The following DOCK4 variants were observed in gnomAD, a reference collection of about 807,000 sequenced individuals.
DOCK4 encodes dedicator of cytokinesis 4.
DOCK4 carries 97 observed loss-of-function variants against 268.1 expected under a neutral mutation model. That is an observed-to-expected ratio of 0.36 (90% CI 0.31 to 0.43). The LOEUF is 0.43. Among genes scored for constraint, DOCK4 ranks in the 20% least tolerant of loss-of-function variants. The probability of loss-of-function intolerance (pLI) is 1.00; values close to 1 mark genes in which losing one functional copy is unlikely to be tolerated. For synonymous variants in DOCK4, 954 were observed against 887.2 expected (o/e 1.08, Z -1.34); for missense variants, 2,145 against 2,455.7 (o/e 0.87, Z 2.67).
chr7:111,829,951 CATT>C (rs1802689976), intron 26 of DOCK4, among the ~76,000 whole-genome samples: 1 of 152,066 alleles, frequency 6.6e-6, no homozygotes, highest in South Asian at 2.1e-4. Flanking sequence ...TATATATGTA[CATT>C]ATCATTATGA....
intron 2 of DOCK4, among the ~76,000 whole-genome samples, chr7:112,000,758 T>A (rs966979925): frequency 1.3e-5 from 2 of 152,194 alleles, no homozygotes; most frequent in African/African-American, 4.8e-5. Flanking sequence ...AAAATTTTTA[T>A]AAACAACAGA....
At position 111,941,456 on chromosome 7, in the gene DOCK4, C is replaced by A. The variant is rs529267079; in HGVS notation, c.845-1214G>T. Among the ~76,000 whole-genome samples the A allele has an allele frequency of 2.3e-4, 35 of 152,162 alleles. 1 individual carries two copies. The highest frequency in any genetic ancestry group is 8.2e-4 in the African/African-American group (34 of 41,530). On this transcript the variant is annotated intron_variant, in intron 10 of 52. Transcript: ENST00000428084. Reference sequence around the variant, plus strand: ...TGAAAAAAAAGGTCTCAATTTATGTCTATTTTGAATAATATTACAGAATGT... The same window carrying A: ...TGAAAAAAAAGGTCTCAATTTATGTATATTTTGAATAATATTACAGAATGT...
intron 13 of DOCK4, among the ~76,000 whole-genome samples, chr7:111,907,076 T>C (rs767565206): frequency 1.3e-5 from 2 of 152,100 alleles, no homozygotes; most frequent in Non-Finnish European, 2.9e-5. Flanking sequence ...GACTCACAGG[T>C]AACTGGAGAC....
At chr7:111,913,711 A>AATTT (rs1364876437) in intron 13 of DOCK4, among the ~76,000 whole-genome samples, 1 of 143,226 alleles carries the variant, frequency 7.0e-6, no homozygotes, top group Admixed American at 6.9e-5. Context: ...GCCCGGCCAC[A>AATTT]ATTTTTTTTT....
At chr7:111,871,594 G>A (rs975230593) in intron 20 of DOCK4, among the ~76,000 whole-genome samples, 1 of 152,206 alleles carries the variant, frequency 6.6e-6, no homozygotes, top group Admixed American at 6.5e-5. Flanking sequence ...TTCAGCAGGT[G>A]TGAAGGAAAA....
At chr7:111,877,571 T>C (rs979316728) in intron 16 of DOCK4, among the ~76,000 whole-genome samples, 1 of 152,242 alleles carries the variant, frequency 6.6e-6, no homozygotes, top group Non-Finnish European at 1.5e-5. Context: ...GCAGTGACCA[T>C]AGTATTTTTT....
chr7:112,008,507 A>C (rs1259307453), intron 1 of DOCK4, among the ~76,000 whole-genome samples: 1 of 152,192 alleles, frequency 6.6e-6, no homozygotes. Flanking sequence ...TCTCAAACAC[A>C]ACTCCTAATT....
At chr7:111,734,648 G>A in intron 51 of DOCK4, among the ~76,000 whole-genome samples, 1 of 152,230 alleles carries the variant, frequency 6.6e-6, no homozygotes, top group East Asian at 1.9e-4. Flanking sequence ...TTAGTCAATG[G>A]CTATTTAGAG....
At chr7:111,905,017 A>G (rs747534716) in intron 13 of DOCK4, among the ~76,000 whole-genome samples, 2 of 152,238 alleles carry the variant, frequency 1.3e-5, no homozygotes, top group Admixed American at 6.5e-5. Flanking sequence ...AAGAGAATAC[A>G]TGACAAGAAG....
intron 38 of DOCK4, among the ~76,000 whole-genome samples, chr7:111,766,659 G>A (rs1036245443): frequency 3.3e-5 from 5 of 152,176 alleles, no homozygotes; most frequent in Non-Finnish European, 7.3e-5. Context: ...TTAGAAATAG[G>A]TCAGCCATTC....
At chr7:112,066,995 C>CACAA (rs1554433615) in intron 1 of DOCK4, among the ~76,000 whole-genome samples, 1 of 149,076 alleles carries the variant, frequency 6.7e-6, no homozygotes, top group African/African-American at 2.5e-5. Flanking sequence ...CACACACACA[C>CACAA]AAAAAAACCA....
intron 1 of DOCK4, among the ~76,000 whole-genome samples, chr7:112,153,177 C>G (rs1233198632): frequency 6.6e-6 from 1 of 152,120 alleles, no homozygotes; most frequent in Non-Finnish European, 1.5e-5. Context: ...CCATGATGTA[C>G]TGACTTGCTG....
At chr7:112,077,999 T>C (rs1445922501) in intron 1 of DOCK4, among the ~76,000 whole-genome samples, 1 of 152,148 alleles carries the variant, frequency 6.6e-6, no homozygotes, top group Non-Finnish European at 1.5e-5. Context: ...AAAATTCTAT[T>C]ATATTTATTA....
rs115301382 is a variant in DOCK4 at position 111,752,076 on chromosome 7, G to C, written c.4416+3439C>G. 2.6e-5 allele frequency among the ~76,000 whole-genome samples: 4 copies of C among 152,222 alleles called. No homozygotes were observed. The South Asian group carries it at 8.3e-4, about 32-fold the overall frequency. ...AATTTTTAATGTGACAATATTTCAG[G>C]TTTTTAAAAATAAATATGAATACTA... is the stretch of plus-strand genomic sequence containing the variant. On this transcript the variant is annotated intron_variant, in intron 42 of 52. Transcript: ENST00000428084.
At chr7:111,814,080 T>C (rs543326888) in intron 27 of DOCK4, among the ~76,000 whole-genome samples, 1 of 152,176 alleles carries the variant, frequency 6.6e-6, no homozygotes, top group Non-Finnish European at 1.5e-5. Flanking sequence ...TCAGACACAA[T>C]ACCTCTGGTG....
chr7:111,845,646 G>A (rs950446998), intron 24 of DOCK4, among the ~76,000 whole-genome samples: 8 of 152,154 alleles, frequency 5.3e-5, no homozygotes, highest in Middle Eastern at 3.2e-3. Context: ...TAGAAAGTAC[G>A]AGTTTGAAAG....
chr7:112,010,813 G>A (rs111289924), intron 1 of DOCK4, among the ~76,000 whole-genome samples: 3,647 of 152,288 alleles, frequency 0.024, 137 homozygotes, highest in African/African-American at 0.084. Context: ...TGAAAGGTAC[G>A]TAATTGTTTC....
chr7:112,187,353 A>G (rs1253208503), intron 1 of DOCK4, among the ~76,000 whole-genome samples: 1 of 152,190 alleles, frequency 6.6e-6, no homozygotes, highest in Admixed American at 6.5e-5. Context: ...CATTATCTCC[A>G]TCAATTGTCT....
At chr7:111,953,573 C>A (rs1040154442) in intron 8 of DOCK4, 2 of 152,204 alleles carry the variant, frequency 1.3e-5, no homozygotes, top group African/African-American at 4.8e-5. Flanking sequence ...AATTGTTGAG[C>A]TAAAGGCAAT....
Sources: gnomAD v4.1 joint callset for allele counts (sites outside exome capture counted in the v4.1 genomes callset) on GRCh38, gnomAD v4.1.1 for gene constraint, MANE v1.5 for transcripts, NCBI Gene and HGNC (gene_info 2026-07-23, HGNC 2026-07-21) for gene names.